DDX10: variants seen among roughly 807,000 people sequenced by gnomAD.
The protein encoded by DDX10 is DEAD-box helicase 10, also known as probable ATP-dependent RNA helicase DDX10.
DDX10 carries 74 observed loss-of-function variants against 104.3 expected under a neutral mutation model. The ratio of observed to expected loss-of-function variants is 0.71; its 90% CI spans 0.59 to 0.86. DDX10 has a LOEUF of 0.86. Among genes scored for constraint, DDX10 ranks in the 40% least tolerant of loss-of-function variants. DDX10 has a pLI of 0.00. For synonymous variants in DDX10, 351 were observed against 353.4 expected (o/e 0.99, Z 0.08); for missense variants, 952 against 1,040.0 (o/e 0.92, Z 1.16).
At chr11:108,930,242 T>C (rs1863959869) in intron 17 of DDX10, among the ~76,000 whole-genome samples, 2 of 152,350 alleles carry the variant, frequency 1.3e-5, no homozygotes, top group South Asian at 4.1e-4. Flanking sequence ...GCCATATGGG[T>C]GGAATCATAT....
chr11:108,880,521 C>G (rs1188846555), intron 16 of DDX10, among the ~76,000 whole-genome samples: 1 of 152,120 alleles, frequency 6.6e-6, no homozygotes, highest in Non-Finnish European at 1.5e-5. Flanking sequence ...CAGAAGCCCG[C>G]TGTGTAAACA....
intron 15 of DDX10, among the ~76,000 whole-genome samples, chr11:108,849,349 C>T (rs950555227): frequency 4.6e-5 from 7 of 151,984 alleles, no homozygotes; most frequent in African/African-American, 1.4e-4. Context: ...CTGAGAATCA[C>T]GCAAAGGAAT....
chr11:108,699,465 C>T (rs567029482), intron 9 of DDX10, among the ~76,000 whole-genome samples: 2 of 152,278 alleles, frequency 1.3e-5, no homozygotes, highest in South Asian at 4.1e-4. Context: ...TTTCCAGATT[C>T]ATTTCCTCCT....
At chr11:108,921,682 G>C (rs990705956) in intron 17 of DDX10, 1 of 152,290 alleles carries the variant, frequency 6.6e-6, no homozygotes, top group Admixed American at 6.5e-5. Context: ...AGTCCTGGCC[G>C]GGCGTGGTGG....
intron 17 of DDX10, among the ~76,000 whole-genome samples, chr11:108,928,161 C>A (rs1333635569): frequency 2.0e-5 from 3 of 152,176 alleles, no homozygotes; most frequent in Non-Finnish European, 2.9e-5. Context: ...CCCACTCTTT[C>A]CCACACTTGT....
chr11:108,695,020 G>A (rs922704340), intron 9 of DDX10, among the ~76,000 whole-genome samples: 8 of 152,172 alleles, frequency 5.3e-5, no homozygotes, highest in African/African-American at 1.7e-4. Flanking sequence ...CAGCAAAGCT[G>A]GGAGGTATAC....
chr11:108,719,663 A>G, intron 11 of DDX10, 134 bp from the exon 12 acceptor site: 1 of 550,448 alleles, frequency 1.8e-6, no homozygotes, highest in South Asian at 2.7e-5. Flanking sequence ...TGTGCATGGA[A>G]TGGAGATATA....
At chr11:108,855,228 A>C (rs1375264941) in intron 16 of DDX10, among the ~76,000 whole-genome samples, 1 of 152,184 alleles carries the variant, frequency 6.6e-6, no homozygotes, top group East Asian at 1.9e-4. Flanking sequence ...AATAGACCAC[A>C]TTGCTTTTTG....
intron 16 of DDX10, among the ~76,000 whole-genome samples, chr11:108,885,544 G>C (rs11821958): frequency 0.04 from 6,020 of 151,880 alleles, 441 homozygotes; most frequent in African/African-American, 0.14. Context: ...TTTTAGTAGG[G>C]ACAGGGTTTC....
intron 16 of DDX10, among the ~76,000 whole-genome samples, chr11:108,866,156 C>G (rs1257022789): frequency 2.0e-5 from 3 of 151,894 alleles, no homozygotes; most frequent in Admixed American, 2.0e-4. Context: ...TAGTTGGACT[C>G]TGGAGAGTGA....
chr11:108,801,130 T>G (rs10890893), intron 13 of DDX10, among the ~76,000 whole-genome samples: 80,211 of 152,036 alleles, frequency 0.53, 22,196 homozygotes, highest in Non-Finnish European at 0.62. Flanking sequence ...TTTGGAGTGT[T>G]AGAATGGGTA....
At chr11:108,778,068 T>C (rs1004360349) in intron 13 of DDX10, among the ~76,000 whole-genome samples, 2 of 152,154 alleles carry the variant, frequency 1.3e-5, no homozygotes, top group African/African-American at 4.8e-5. Flanking sequence ...TGGAAGAACA[T>C]TGCATGCTCA....
chr11:108,833,914 C>G (rs561707264), intron 13 of DDX10, among the ~76,000 whole-genome samples: 1 of 152,124 alleles, frequency 6.6e-6, no homozygotes, highest in Non-Finnish European at 1.5e-5. Context: ...CAACATTCCA[C>G]CATTCATATT....
chr11:108,890,597 A>G (rs1863362960), intron 16 of DDX10, among the ~76,000 whole-genome samples: 1 of 151,486 alleles, frequency 6.6e-6, no homozygotes, highest in Non-Finnish European at 1.5e-5. Flanking sequence ...TCTACCCTGC[A>G]TAGGGGTAGG....
chr11:108,684,192 AT>A (rs71050880), intron 6 of DDX10, among the ~76,000 whole-genome samples: 6 of 31,928 alleles, frequency 1.9e-4, no homozygotes, highest in African/African-American at 4.2e-4. Context: ...TTTTTTTTTA[AT>A]TTTTTTTTTT....
intron 11 of DDX10, among the ~76,000 whole-genome samples, chr11:108,717,123 CAG>C (rs2094292537): frequency 6.6e-6 from 1 of 151,970 alleles, no homozygotes; most frequent in African/African-American, 2.4e-5. Context: ...AGCAATGAGC[CAG>C]AGAGTAGGGA....
At chr11:108,787,564 T>C (rs1172529848) in intron 13 of DDX10, among the ~76,000 whole-genome samples, 1 of 152,076 alleles carries the variant, frequency 6.6e-6, no homozygotes, top group Non-Finnish European at 1.5e-5. Flanking sequence ...TATTTTTGTC[T>C]GGGTTGATTT....
chr11:108,774,838 C>T (rs924706728), intron 13 of DDX10, among the ~76,000 whole-genome samples: 2 of 152,156 alleles, frequency 1.3e-5, no homozygotes, highest in Admixed American at 1.3e-4. Context: ...AGCCTCTCTC[C>T]TCTCCAGTGA....
intron 14 of DDX10, 32 bp from the exon 15 acceptor site, chr11:108,841,283 C>G: frequency 6.3e-6 from 10 of 1,599,550 alleles, no homozygotes; most frequent in Non-Finnish European, 8.5e-6. Flanking sequence ...TTCCCTACTT[C>G]CTGTTGACAC....
Sources: allele counts gnomAD v4.1 joint callset (sites outside exome capture counted in the v4.1 genomes callset), GRCh38; gene constraint gnomAD v4.1.1; transcripts MANE v1.5; gene names NCBI Gene and HGNC (gene_info 2026-07-23, HGNC 2026-07-21).